Variants in ATPAF1 observed in about 807,000 individuals in gnomAD.
ATPAF1 encodes ATP synthase mitochondrial F1 complex assembly factor 1, also known as homolog of yeast ATP11.
ATPAF1 carries 26 observed loss-of-function variants against 43.9 expected under a neutral mutation model. The ratio of observed to expected loss-of-function variants is 0.59; its 90% CI spans 0.43 to 0.82. The LOEUF (loss-of-function observed/expected upper bound fraction) is 0.82. Ranked by LOEUF, ATPAF1 falls within the 40% of genes least tolerant of loss-of-function variation. ATPAF1 has a pLI of 0.00. For synonymous variants in ATPAF1, 157 were observed against 168.0 expected (o/e 0.93, Z 0.50); for missense variants, 366 against 435.0 (o/e 0.84, Z 1.41).
intron 4 of ATPAF1, among the ~76,000 whole-genome samples, chr1:46,657,674 T>G (rs779065012): frequency 2.0e-5 from 3 of 152,182 alleles, no homozygotes; most frequent in Non-Finnish European, 4.4e-5. Flanking sequence ...GTCCAAGTCC[T>G]ATAGATAGTG....
chr1:46,661,103 C>T (rs532169645), intron 2 of ATPAF1, among the ~76,000 whole-genome samples: 16 of 150,880 alleles, frequency 1.1e-4, no homozygotes, highest in Middle Eastern at 6.9e-3. Context: ...GACAGAGTCT[C>T]ACTCTGTCGC....
chr1:46,657,082 T>G (rs1194919652), intron 4 of ATPAF1, among the ~76,000 whole-genome samples: 1 of 152,176 alleles, frequency 6.6e-6, no homozygotes, highest in Non-Finnish European at 1.5e-5. Flanking sequence ...TACCACTGAC[T>G]AAGTTACATA....
At chr1:46,635,714 G>T (rs374255752) in exon 9 of ATPAF1, 3 of 1,477,356 alleles carry the variant, frequency 2.0e-6, no homozygotes, top group Non-Finnish European at 9.1e-7. Flanking sequence ...TTCCTGAGGA[G>T]GGGGTGGGCT....
chr1:46,665,160 T>C, intron 2 of ATPAF1, 96 bp downstream of exon 2: 1 of 1,140,172 alleles, frequency 8.8e-7, no homozygotes, highest in South Asian at 1.3e-5. Flanking sequence ...TTCACCCAGC[T>C]GACCCATCAA....
chr1:46,644,205 C>T (rs888336294), intron 7 of ATPAF1, among the ~76,000 whole-genome samples: 1 of 152,098 alleles, frequency 6.6e-6, no homozygotes, highest in Non-Finnish European at 1.5e-5. Context: ...CACAGATCTC[C>T]AAGTCTTAGC....
intron 6 of ATPAF1, 39 bp downstream of exon 6, chr1:46,652,542 C>G: frequency 2.5e-6 from 4 of 1,592,920 alleles, no homozygotes; most frequent in South Asian, 2.2e-5. Flanking sequence ...TGTTTGGCAA[C>G]ATTGATAAGC....
At chr1:46,657,409 C>G (rs1281231014) in intron 4 of ATPAF1, among the ~76,000 whole-genome samples, 2 of 152,046 alleles carry the variant, frequency 1.3e-5, no homozygotes, top group East Asian at 3.8e-4. Flanking sequence ...TGAAGAAGGT[C>G]CTGTGATAAT....
chr1:46,665,103 G>A, intron 2 of ATPAF1, 153 bp downstream of exon 2: 1 of 702,180 alleles, frequency 1.4e-6, no homozygotes. Context: ...GAAAGAGCAG[G>A]ATAAACATTT....
In ATPAF1 at chr1:46,665,425, A is replaced by T. The variant is rs565180769; in HGVS notation, c.267-61T>A. 8.6e-5 allele frequency: 132 copies of T among 1,528,444 alleles called. 2 individuals are homozygous for T. The South Asian group carries it at 1.5e-3, about 18-fold the overall frequency. The allele number at this position is 1,528,444 out of a possible 1,614,324, so 94.7% of individuals were successfully genotyped here. ...GCCTTTTTGAATTCTAAAATAACAA[A>T]GCATCACTTTCCACCTCTACAGAGA... On this transcript the variant is annotated intron_variant, in intron 1 of 8. Transcript: ENST00000574428.
At chr1:46,652,410 T>C in intron 6 of ATPAF1, 171 bp downstream of exon 6, 1 of 589,270 alleles carries the variant, frequency 1.7e-6, no homozygotes, top group Non-Finnish European at 2.9e-6. Context: ...AGCATCTTTA[T>C]TAAGTAAACA....
intron 6 of ATPAF1, among the ~76,000 whole-genome samples, chr1:46,649,976 A>G (rs1269716370): frequency 6.6e-6 from 1 of 152,132 alleles, no homozygotes; most frequent in Non-Finnish European, 1.5e-5. Flanking sequence ...CAATCCATGA[A>G]CATGGTATAT....
At chr1:46,665,806 T>C (rs2148828183) in intron 1 of ATPAF1, 1 of 1,455,250 alleles carries the variant, frequency 6.9e-7, no homozygotes, top group South Asian at 1.5e-5. Context: ...ATTCAGATCC[T>C]GGTGATTCAG....
intron 8 of ATPAF1, 116 bp downstream of exon 8, chr1:46,643,078 T>A: frequency 1.3e-6 from 1 of 795,792 alleles, no homozygotes; most frequent in Non-Finnish European, 2.0e-6. Context: ...TTAAAATAAG[T>A]AAGAAACAAG....
At chr1:46,645,140 G>A (rs1264465151) in intron 7 of ATPAF1, 21 bp downstream of exon 7, 1 of 1,592,532 alleles carries the variant, frequency 6.3e-7, no homozygotes, top group Non-Finnish European at 8.6e-7. Flanking sequence ...TTCCTCTAGA[G>A]GAAGGGCACA....
At chr1:46,652,346 C>T in intron 6 of ATPAF1, 1 of 417,382 alleles carries the variant, frequency 2.4e-6, no homozygotes, top group South Asian at 4.9e-5. Context: ...CTGGGTCAAA[C>T]CCACATGATT....
chr1:46,645,007 T>C (rs888632969), intron 7 of ATPAF1, among the ~76,000 whole-genome samples, 154 bp downstream of exon 7: 5 of 152,236 alleles, frequency 3.3e-5, no homozygotes, highest in African/African-American at 1.2e-4. Flanking sequence ...CCTAGAAAAC[T>C]AGTCCAACAC....
At chr1:46,655,974 G>T (rs1676264117) in intron 4 of ATPAF1, among the ~76,000 whole-genome samples, 1 of 152,204 alleles carries the variant, frequency 6.6e-6, no homozygotes, top group Non-Finnish European at 1.5e-5. Flanking sequence ...CTGTAGGCAG[G>T]TATCTGCTGT....
intron 8 of ATPAF1, among the ~76,000 whole-genome samples, chr1:46,640,755 G>T (rs1427119988): frequency 6.6e-6 from 1 of 152,222 alleles, no homozygotes; most frequent in Non-Finnish European, 1.5e-5. Flanking sequence ...TTGGCCCATA[G>T]GCTGTAGTTT....
intron 4 of ATPAF1, among the ~76,000 whole-genome samples, chr1:46,655,828 A>C (rs1676261514): frequency 6.6e-6 from 1 of 152,032 alleles, no homozygotes; most frequent in Non-Finnish European, 1.5e-5. Context: ...TTTTCCTATG[A>C]GCTGCTTTTC....
Sources: allele counts gnomAD v4.1 joint callset (sites outside exome capture counted in the v4.1 genomes callset), GRCh38; gene constraint gnomAD v4.1.1; transcripts MANE v1.5; gene names NCBI Gene and HGNC (gene_info 2026-07-23, HGNC 2026-07-21).